The following GRM7 variants were observed in gnomAD, a reference collection of about 807,000 sequenced individuals.
GRM7 encodes glutamate metabotropic receptor 7.
Under a neutral mutation model 84.5 loss-of-function variants are expected in GRM7, and 35 were observed. That is an observed-to-expected ratio of 0.41 (90% CI 0.32 to 0.55). The LOEUF (loss-of-function observed/expected upper bound fraction) is 0.55. GRM7 is among the 20% of genes least tolerant of loss of function. The pLI is 0.19. For synonymous variants in GRM7, 487 were observed against 455.1 expected (o/e 1.07, Z -0.89); for missense variants, 1,003 against 1,194.6 (o/e 0.84, Z 2.36).
chr3:7,249,995 G>T (rs1016509007), intron 2 of GRM7, among the ~76,000 whole-genome samples: 1 of 152,174 alleles, frequency 6.6e-6, no homozygotes, highest in Non-Finnish European at 1.5e-5. Flanking sequence ...GAGGACATGG[G>T]CATCCTTATG....
At chr3:7,610,067 A>C (rs1696777913) in intron 8 of GRM7, among the ~76,000 whole-genome samples, 1 of 152,124 alleles carries the variant, frequency 6.6e-6, no homozygotes, top group South Asian at 2.1e-4. Context: ...TCCATTTTGG[A>C]AAGAGGGGTG....
chr3:6,894,887 C>T (rs578260611), intron 1 of GRM7, among the ~76,000 whole-genome samples: 1 of 152,124 alleles, frequency 6.6e-6, no homozygotes, highest in African/African-American at 2.4e-5. Context: ...TCTATTTTCT[C>T]TAGGAGATGG....
chr3:7,018,872 G>A (rs759352488), intron 1 of GRM7, among the ~76,000 whole-genome samples: 10 of 152,326 alleles, frequency 6.6e-5, no homozygotes, highest in Non-Finnish European at 1.3e-4. Flanking sequence ...CGAGGCAGGT[G>A]GATCATTTGA....
intron 1 of GRM7, among the ~76,000 whole-genome samples, chr3:6,938,116 T>G (rs1301987248): frequency 6.6e-6 from 1 of 152,234 alleles, no homozygotes; most frequent in African/African-American, 2.4e-5. Context: ...CTTTAGGCCT[T>G]CATTCCAATA....
intron 1 of GRM7, among the ~76,000 whole-genome samples, chr3:7,054,921 CCAGG>C (rs1697157603): frequency 6.6e-6 from 1 of 151,950 alleles, no homozygotes; most frequent in African/African-American, 2.4e-5. Flanking sequence ...TAGAATCTCT[CCAGG>C]CAGTGGCAGT....
intron 8 of GRM7, among the ~76,000 whole-genome samples, chr3:7,638,657 C>G (rs1698216594): frequency 6.6e-6 from 1 of 152,194 alleles, no homozygotes; most frequent in Admixed American, 6.5e-5. Flanking sequence ...GGGCTGTTGC[C>G]ATAATCCAAA....
At chr3:7,397,922 T>A (rs2125152897) in intron 4 of GRM7, among the ~76,000 whole-genome samples, 1 of 152,096 alleles carries the variant, frequency 6.6e-6, no homozygotes. Flanking sequence ...AGTGCTGAGG[T>A]TGAGAAACAC....
chr3:7,174,177 A>G (rs1695071922), intron 2 of GRM7, among the ~76,000 whole-genome samples: 4 of 152,160 alleles, frequency 2.6e-5, no homozygotes. Flanking sequence ...AAACTTAGTG[A>G]TGGAAAAACA....
intron 7 of GRM7, among the ~76,000 whole-genome samples, chr3:7,509,651 G>A (rs1700139232): frequency 1.3e-5 from 2 of 152,198 alleles, no homozygotes; most frequent in African/African-American, 2.4e-5. Context: ...GCCTAGAAAA[G>A]ACAGTCTTAG....
chr3:7,719,732 A>G (rs1401406120), intron 9 of GRM7, among the ~76,000 whole-genome samples: 1 of 150,824 alleles, frequency 6.6e-6, no homozygotes, highest in Non-Finnish European at 1.5e-5. Flanking sequence ...GAATGGCATA[A>G]ACCTGAGAGG....
chr3:7,536,363 G>T (rs944710980), intron 7 of GRM7, among the ~76,000 whole-genome samples: 1 of 152,112 alleles, frequency 6.6e-6, no homozygotes, highest in South Asian at 2.1e-4. Flanking sequence ...ACTTGGAATT[G>T]TCTCAGCAAC....
At chr3:6,904,575 C>G (rs986655660) in intron 1 of GRM7, among the ~76,000 whole-genome samples, 1 of 152,140 alleles carries the variant, frequency 6.6e-6, no homozygotes, top group Non-Finnish European at 1.5e-5. Flanking sequence ...GTTGGTAATT[C>G]AACGTTCTCA....
chr3:7,354,928 G>C (rs898856613), intron 4 of GRM7, among the ~76,000 whole-genome samples: 1 of 152,156 alleles, frequency 6.6e-6, no homozygotes, highest in African/African-American at 2.4e-5. Context: ...CAACTCTTCA[G>C]CTCTCTGTCA....
intron 8 of GRM7, among the ~76,000 whole-genome samples, chr3:7,678,691 G>A (rs762285616): frequency 3.3e-5 from 5 of 152,090 alleles, no homozygotes; most frequent in African/African-American, 7.2e-5. Flanking sequence ...CCTTTTAACC[G>A]TTTGGAGACA....
chr3:7,574,191 G>A (rs1394077937), intron 7 of GRM7, among the ~76,000 whole-genome samples: 1 of 122,762 alleles, frequency 8.1e-6, no homozygotes, highest in Non-Finnish European at 1.6e-5. Flanking sequence ...ATGGAGTTTT[G>A]CTGTGTTGCC....
At chr3:7,259,220 G>A (rs918394302) in intron 2 of GRM7, among the ~76,000 whole-genome samples, 3 of 152,012 alleles carry the variant, frequency 2.0e-5, no homozygotes, top group African/African-American at 7.2e-5. Context: ...CACTACTTTG[G>A]GCTCAGTTTT....
At chr3:7,526,803 T>A (rs919115760) in intron 7 of GRM7, among the ~76,000 whole-genome samples, 1 of 152,100 alleles carries the variant, frequency 6.6e-6, no homozygotes, top group Non-Finnish European at 1.5e-5. Flanking sequence ...TATTGTTTAT[T>A]TTTATCAACA....
At chr3:7,417,729 A>G (rs1696226585) in intron 5 of GRM7, among the ~76,000 whole-genome samples, 1 of 152,118 alleles carries the variant, frequency 6.6e-6, no homozygotes, top group East Asian at 1.9e-4. Flanking sequence ...TATTAATATA[A>G]CATTCACTCT....
chr3:6,924,189 T>C (rs901994664), intron 1 of GRM7, among the ~76,000 whole-genome samples: 12 of 152,320 alleles, frequency 7.9e-5, no homozygotes, highest in African/African-American at 2.4e-4. Context: ...AGAAAAATAA[T>C]TGAACTGACT....
Sources: gnomAD v4.1 joint callset for allele counts (sites outside exome capture counted in the v4.1 genomes callset) on GRCh38, gnomAD v4.1.1 for gene constraint, MANE v1.5 for transcripts, NCBI Gene and HGNC (gene_info 2026-07-23, HGNC 2026-07-21) for gene names.